Variants in CFAP299 observed in about 807,000 individuals in gnomAD.
CFAP299 encodes cilia and flagella associated protein 299.
Under a neutral mutation model 27.0 loss-of-function variants are expected in CFAP299, and 21 were observed. The observed-to-expected ratio is 0.78, with a 90% CI of 0.55 to 1.12. The LOEUF is 1.12. Among genes scored for constraint, CFAP299 ranks in the 50% most tolerant of loss-of-function variants. CFAP299 has a pLI of 0.00. For synonymous variants in CFAP299, 104 were observed against 98.1 expected, an observed-to-expected ratio of 1.06 and a Z score of -0.36; for missense variants, 310 against 276.6, an observed-to-expected ratio of 1.12 and a Z score of -0.86.
chr4:80,553,982 GGT>G (rs1734664728), intron 2 of CFAP299, among the ~76,000 whole-genome samples: 1 of 152,074 alleles, frequency 6.6e-6, no homozygotes, highest in African/African-American at 2.4e-5. Flanking sequence ...CTGTGTAGAA[GGT>G]CTTATGTTTA....
chr4:80,390,925 GTATATATGTATATATGTATGTA>G (rs1335631407), intron 2 of CFAP299, among the ~76,000 whole-genome samples: 2 of 30,024 alleles, frequency 6.7e-5, no homozygotes, highest in Non-Finnish European at 1.4e-4. Flanking sequence ...ACACACATAT[GTATATATGTATATATGTATGTA>G]CACACATGTA....
intron 3 of CFAP299, among the ~76,000 whole-genome samples, chr4:80,591,121 T>TA (rs1560643008): frequency 3.7e-4 from 54 of 144,896 alleles, no homozygotes; most frequent in South Asian, 1.1e-3. Context: ...TTTTTTTTTT[T>TA]TTTTTTTTTT....
chr4:80,330,279 G>C, the CFAP299 span, among the ~76,000 whole-genome samples: 1 of 151,990 alleles, frequency 6.6e-6, no homozygotes, highest in Non-Finnish European at 1.5e-5. Flanking sequence ...GTCATTTACT[G>C]CTGTCAGAAT....
chr4:80,661,623 A>G (rs2109982079), intron 3 of CFAP299, among the ~76,000 whole-genome samples: 1 of 152,254 alleles, frequency 6.6e-6, no homozygotes, highest in African/African-American at 2.4e-5. Flanking sequence ...ATGTCGCCTC[A>G]GGACCCTGTG....
At chr4:80,811,558 TG>T (rs775114337) in intron 3 of CFAP299, among the ~76,000 whole-genome samples, 1 of 152,164 alleles carries the variant, frequency 6.6e-6, no homozygotes, top group Admixed American at 6.6e-5. Context: ...AGTTTCTCTC[TG>T]TTTTGCAGCT....
In CFAP299 at chr4:80,511,220, A is replaced by G. The variant is rs78295211; in HGVS notation, c.243-71873A>G. 4.1e-3 allele frequency among the ~76,000 whole-genome samples: 622 copies of G among 152,228 alleles called. 3 individuals are homozygous for G. The highest frequency in any genetic ancestry group is 6.7e-3 in the Non-Finnish European group (455 of 68,004). On this transcript the variant is annotated intron_variant, in intron 2 of 5. Coordinates refer to ENST00000358105, the MANE Select transcript of CFAP299 (RefSeq NM_152770.3). ...CCCCTTATCTATATTAAAAGTACCT[A>G]CCTAGTTCATGCAGTAATTACAAAG...
intron 3 of CFAP299, among the ~76,000 whole-genome samples, chr4:80,851,752 A>G (rs1731534997): frequency 6.6e-6 from 1 of 152,150 alleles, no homozygotes; most frequent in South Asian, 2.1e-4. Context: ...GGGATATTCA[A>G]TTCAGCCTTC....
chr4:80,897,682 A>G (rs1734673804), intron 4 of CFAP299, among the ~76,000 whole-genome samples: 1 of 152,180 alleles, frequency 6.6e-6, no homozygotes, highest in Non-Finnish European at 1.5e-5. Context: ...TCTGCAAGTC[A>G]GGAACCACAA....
chr4:80,806,209 C>T (rs1395881948), intron 3 of CFAP299, among the ~76,000 whole-genome samples: 1 of 152,150 alleles, frequency 6.6e-6, no homozygotes, highest in Non-Finnish European at 1.5e-5. Context: ...TATCATTTGA[C>T]ATGAAGTCCT....
At chr4:80,572,524 T>G (rs1179330184) in intron 2 of CFAP299, among the ~76,000 whole-genome samples, 4 of 130,002 alleles carry the variant, frequency 3.1e-5, no homozygotes, top group African/African-American at 1.1e-4. Flanking sequence ...TTTTTTTTTT[T>G]TTTTTTTTTT....
intron 2 of CFAP299, among the ~76,000 whole-genome samples, chr4:80,414,553 G>A (rs943388042): frequency 9.2e-5 from 14 of 152,128 alleles, no homozygotes; most frequent in Admixed American, 6.5e-4. Context: ...CAATAATTAG[G>A]TCAATGATTT....
intron 3 of CFAP299, among the ~76,000 whole-genome samples, chr4:80,688,328 T>C (rs372351208): frequency 0.041 from 6,199 of 152,028 alleles, 284 homozygotes; most frequent in East Asian, 0.22. Context: ...TCTCCCAGCA[T>C]GCAGCTGGAG....
At chr4:80,533,859 TA>T (rs145226043) in intron 2 of CFAP299, among the ~76,000 whole-genome samples, 2 of 151,934 alleles carry the variant, frequency 1.3e-5, no homozygotes, top group East Asian at 1.9e-4. Flanking sequence ...AGTAGTGTTG[TA>T]AAAAAAACTG....
rs137906731 is a variant in CFAP299, at chr4:80,643,854, A to G, written c.333+60671A>G. 1.0e-3 allele frequency among the ~76,000 whole-genome samples: 159 copies of G among 152,284 alleles called. 1 individual carries two copies. The highest frequency in any genetic ancestry group is 3.6e-3 in the African/African-American group (149 of 41,564). Reference sequence around the variant, plus strand: ...ATTTTATAATGAGCTTAAAAGAGAAAAATCTTTAGAATAAATCCATGTTAT... The same window carrying G: ...ATTTTATAATGAGCTTAAAAGAGAAGAATCTTTAGAATAAATCCATGTTAT... On this transcript the variant is annotated intron_variant, in intron 3 of 5. Transcript: ENST00000358105.
intron 2 of CFAP299, chr4:80,387,779 C>G: frequency 6.3e-7 from 1 of 1,587,284 alleles, no homozygotes. Flanking sequence ...AATGACTTGT[C>G]ACAGTATGGG....
At chr4:80,783,962 A>C (rs1030142942) in intron 3 of CFAP299, among the ~76,000 whole-genome samples, 3 of 140,758 alleles carry the variant, frequency 2.1e-5, no homozygotes, top group Non-Finnish European at 4.6e-5. Flanking sequence ...AACTTTTTTT[A>C]TGATTCTACA....
chr4:80,480,055 T>C (rs1730475988), intron 2 of CFAP299, among the ~76,000 whole-genome samples: 1 of 152,022 alleles, frequency 6.6e-6, no homozygotes, highest in Admixed American at 6.6e-5. Context: ...ACCTATTTAA[T>C]ATATTCTTTT....
the CFAP299 span, among the ~76,000 whole-genome samples, chr4:80,329,127 T>C: frequency 6.6e-6 from 1 of 151,432 alleles, no homozygotes; most frequent in Non-Finnish European, 1.5e-5. Context: ...TAGTGTATTT[T>C]ATGTGTGGCC....
chr4:80,507,399 T>C (rs1234837884), intron 2 of CFAP299, among the ~76,000 whole-genome samples: 1 of 152,128 alleles, frequency 6.6e-6, no homozygotes, highest in Non-Finnish European at 1.5e-5. Flanking sequence ...GTTAGTGTAT[T>C]TGGGTGCCTT....
Sources: allele counts gnomAD v4.1 joint callset (sites outside exome capture counted in the v4.1 genomes callset), GRCh38; gene constraint gnomAD v4.1.1; transcripts MANE v1.5; gene names NCBI Gene and HGNC (gene_info 2026-07-23, HGNC 2026-07-21).